NRDE2: variants seen among roughly 807,000 people sequenced by gnomAD.
NRDE2 encodes nuclear exosome regulator NRDE2.
Under a neutral mutation model 124.2 loss-of-function variants are expected in NRDE2, and 76 were observed. The ratio of observed to expected loss-of-function variants is 0.61; its 90% CI spans 0.51 to 0.74. The LOEUF is 0.74. Among genes scored for constraint, NRDE2 ranks in the 30% least tolerant of loss-of-function variants. The probability of loss-of-function intolerance (pLI) is 0.00; values close to 1 mark genes in which losing one functional copy is unlikely to be tolerated. For missense variants in NRDE2, 1,314 were observed against 1,417.3 expected (o/e 0.93, Z 1.17); for synonymous variants, 489 against 528.1 (o/e 0.93, Z 1.01).
intron 7 of NRDE2, among the ~76,000 whole-genome samples, chr14:90,299,147 A>G (rs1373195350): frequency 1.3e-5 from 2 of 152,130 alleles, no homozygotes; most frequent in Admixed American, 1.3e-4. Flanking sequence ...CCCGGGCTCA[A>G]GCAATTCTCC....
chr14:90,302,182 A>G (rs537947424), intron 6 of NRDE2, among the ~76,000 whole-genome samples: 9 of 152,308 alleles, frequency 5.9e-5, no homozygotes, highest in African/African-American at 2.2e-4. Context: ...GAGCCAGTGA[A>G]GGGCAAACCC....
intron 6 of NRDE2, among the ~76,000 whole-genome samples, chr14:90,302,021 C>A (rs967869999): frequency 1.2e-4 from 18 of 152,162 alleles, no homozygotes; most frequent in Admixed American, 1.2e-3. Context: ...GGGTTGTGAT[C>A]AAATAAATGC....
chr14:90,310,711 G>T (rs536929993), intron 4 of NRDE2, among the ~76,000 whole-genome samples: 22 of 152,014 alleles, frequency 1.4e-4, no homozygotes, highest in African/African-American at 5.3e-4. Flanking sequence ...GTAGAGATGG[G>T]GTTTCACCAC....
In NRDE2 at chr14:90,288,450, C is replaced by G. The variant is rs1465606216; in HGVS notation, c.2925G>C (p.Val975=). The G allele has an allele frequency of 9.3e-6, 15 of 1,614,064 alleles. No individual in the cohort carries two copies. The highest frequency in any genetic ancestry group is 1.3e-5 in the Non-Finnish European group (15 of 1,180,048). Reference sequence around the variant, plus strand: ...GCAGAGGGGCCAGCGGGTAAACACTCACTTTCATGTGGAATCTCAGCAGGC... The same window carrying G: ...GCAGAGGGGCCAGCGGGTAAACACTGACTTTCATGTGGAATCTCAGCAGGC... ...HTSLLRFHMK[V]SVYPLAPLRE... Residue 975 remains valine (V), a synonymous_variant, in exon 11 of 14, where the codon GTG becomes GTC. Transcript: ENST00000354366.
At chr14:90,307,427 T>C (rs1002316337) in intron 4 of NRDE2, among the ~76,000 whole-genome samples, 2 of 148,532 alleles carry the variant, frequency 1.3e-5, no homozygotes, top group African/African-American at 2.5e-5. Context: ...AAAATCCTTA[T>C]CAAATAATCA....
chr14:90,287,012 C>CT (rs1269799252), intron 11 of NRDE2, among the ~76,000 whole-genome samples: 1 of 105,398 alleles, frequency 9.5e-6, no homozygotes, highest in East Asian at 3.1e-4. Flanking sequence ...CCAGCCTGGG[C>CT]AACAGAGTGA....
In NRDE2 at chr14:90,268,726, G is replaced by A; in HGVS notation, c.*9610C>T. The A allele has an allele frequency of 3.8e-6, 1 of 261,064 alleles. No individual in the cohort carries two copies. The allele number at this position is 261,064 out of a possible 1,614,324, so 16.2% of individuals were successfully genotyped here. On this transcript the variant is annotated 3_prime_UTR_variant, in exon 14 of 14. Transcript: ENST00000354366. ...CCTGGAGGAGCTCACAGGTTGTAGG[G>A]ATCAGATACCAAACATGGAAACAGA... is the stretch of plus-strand genomic sequence containing the variant.
Position 90,313,732 on chromosome 14 carries a change from A to G in NRDE2, c.408-1189T>C, listed in dbSNP as rs144336398. Among the ~76,000 whole-genome samples the G allele has an allele frequency of 4.7e-3, 712 of 152,322 alleles. 4 individuals are homozygous for G. The highest frequency in any genetic ancestry group is 0.016 in the African/African-American group (655 of 41,574). ...CAAAACAGCCATTAACTGTTGTTCC[A>G]TCTCTGCTTTTCAGCTCTGCCCAGG... On this transcript the variant is annotated intron_variant, in intron 3 of 13. Coordinates refer to ENST00000354366, the MANE Select transcript of NRDE2 (RefSeq NM_017970.4).
chr14:90,317,770 C>T (rs1275102273), intron 2 of NRDE2: 2 of 381,430 alleles, frequency 5.2e-6, no homozygotes, highest in Non-Finnish European at 9.3e-6. Context: ...ACAATGATGC[C>T]ATTTCCCTCT....
chr14:90,308,313 T>C (rs1884692462), intron 4 of NRDE2, among the ~76,000 whole-genome samples: 1 of 152,196 alleles, frequency 6.6e-6, no homozygotes, highest in Admixed American at 6.5e-5. Flanking sequence ...CTTTAGAACC[T>C]AACCCCTGCC....
intron 1 of NRDE2, among the ~76,000 whole-genome samples, chr14:90,319,173 G>A (rs550416748): frequency 4.5e-4 from 69 of 152,254 alleles, no homozygotes; most frequent in African/African-American, 1.5e-3. Context: ...AACATGGGAT[G>A]GCAGCAGCAA....
At chr14:90,323,548 T>C (rs909811719) in intron 1 of NRDE2, among the ~76,000 whole-genome samples, 45 of 152,310 alleles carry the variant, frequency 3.0e-4, no homozygotes, top group African/African-American at 9.1e-4. Flanking sequence ...GTATATATTA[T>C]GGAAGAAGAT....
At chr14:90,303,513 G>A (rs1884482340) in intron 5 of NRDE2, among the ~76,000 whole-genome samples, 1 of 152,222 alleles carries the variant, frequency 6.6e-6, no homozygotes, top group African/African-American at 2.4e-5. Context: ...AGAATGCATG[G>A]CTCTAACTGG....
chr14:90,330,891 T>C (rs150789608), intron 1 of NRDE2, among the ~76,000 whole-genome samples: 3 of 152,116 alleles, frequency 2.0e-5, no homozygotes, highest in African/African-American at 7.2e-5. Context: ...TAAGACTCAA[T>C]TGCGCCCTGT....
rs114181719 is a variant in NRDE2 at position 90,320,701 on chromosome 14, A to G, written c.65-2588T>C. Among the ~76,000 whole-genome samples the G allele has an allele frequency of 3.7e-3, 567 of 152,366 alleles. 2 individuals are homozygous for G. Among genetic ancestry groups the G allele is most frequent in the African/African-American group, 0.013 (549 of 41,592 alleles). On this transcript the variant is annotated intron_variant, in intron 1 of 13. Coordinates refer to ENST00000354366, the MANE Select transcript of NRDE2 (RefSeq NM_017970.4). ...CCAAAGAAAGAAAGGCATATTAAAC[A>G]GCACAGAAAAAAGGGAAAGAAGTGA...
Position 90,286,453 on chromosome 14 carries a change from G to A in NRDE2, c.3198C>T (p.Thr1066=), listed in dbSNP as rs148200991. The part of the protein sequence containing the change: ...GREIHATIPE[T]GLMHRIQALF... ...GGGCTTGGATCCGATGCATTAAGCCGGTCTCAGGAATTGTGGCGTGGATCT... is the reference window on the plus strand; with the variant it reads ...GGGCTTGGATCCGATGCATTAAGCCAGTCTCAGGAATTGTGGCGTGGATCT... The change falls in exon 12 of 14, where the codon ACC becomes ACT. Residue 1066 remains threonine (T), a synonymous_variant. Transcript: ENST00000354366. 1.2e-5 allele frequency: 20 copies of A among 1,614,092 alleles called. No homozygotes were observed. Among genetic ancestry groups the A allele is most frequent in the Admixed American group, 1.0e-4 (6 of 60,016 alleles).
At position 90,272,241 on chromosome 14, in the gene NRDE2, T is replaced by A. The variant is rs747955615; in HGVS notation, c.*6095A>T. 6 of 1,598,368 alleles carry A rather than the reference T, an allele frequency of 3.8e-6. No individual in the cohort carries two copies. In the African/African-American group the frequency reaches 8.1e-5, roughly 22 times the overall value. On this transcript the variant is annotated 3_prime_UTR_variant, in exon 14 of 14. Transcript: ENST00000354366. This position sits in a 1 kb window ranked among gnomAD's most constrained non-coding sequence, Gnocchi z 4.5. Reference sequence around the variant, plus strand: ...CCTTGTTAGAATAAAAATGAGTATGTCACTTTCTGAACACACTCTTCTTTC... The same window carrying A: ...CCTTGTTAGAATAAAAATGAGTATGACACTTTCTGAACACACTCTTCTTTC...
At position 90,273,924 on chromosome 14, in the gene NRDE2, A is replaced by C. The variant is rs1252407217; in HGVS notation, c.*4412T>G. ...TTTTCTATTCTTATGGATCCTTGTGATTGCATTGGACCCATGCAGATGATC... is the reference window on the plus strand; with the variant it reads ...TTTTCTATTCTTATGGATCCTTGTGCTTGCATTGGACCCATGCAGATGATC... On this transcript the variant is annotated 3_prime_UTR_variant, in exon 14 of 14. Transcript: ENST00000354366. 6.5e-6 allele frequency: 1 copy of C among 154,758 alleles called. No individual in the cohort carries two copies. The highest frequency in any genetic ancestry group is 2.4e-5 in the African/African-American group (1 of 41,500). 9.6% of individuals were successfully genotyped at this position (154,758 alleles called of 1,614,324 possible).
At chr14:90,294,318 A>G (rs1892351281) in intron 8 of NRDE2, among the ~76,000 whole-genome samples, 1 of 151,806 alleles carries the variant, frequency 6.6e-6, no homozygotes, top group Non-Finnish European at 1.5e-5. Context: ...GGCATACTAG[A>G]CACAGGATTA....
Sources: gnomAD v4.1 joint callset for allele counts (sites outside exome capture counted in the v4.1 genomes callset) on GRCh38, gnomAD v4.1.1 for gene constraint, Gnocchi (gnomAD v3.1) non-coding constraint, MANE v1.5 for transcripts, NCBI Gene and HGNC (gene_info 2026-07-23, HGNC 2026-07-21) for gene names.